Variants in UBE2D4 observed in about 807,000 individuals in gnomAD.
UBE2D4 encodes the protein ubiquitin conjugating enzyme E2 D4, also known as ubiquitin-conjugating enzyme E2 D4.
UBE2D4 carries 17 observed loss-of-function variants against 23.0 expected under a neutral mutation model. That is an observed-to-expected ratio of 0.74 (90% CI 0.51 to 1.11). The LOEUF is 1.11. Among genes scored for constraint, UBE2D4 ranks in the 50% least tolerant of loss-of-function variants. The pLI is 0.00. For missense variants in UBE2D4, 139 were observed against 181.8 expected, an observed-to-expected ratio of 0.76 and a Z score of 1.35; for synonymous variants, 61 against 69.4, an observed-to-expected ratio of 0.88 and a Z score of 0.60.
chr7:43,945,283 G>C (rs543429867), intron 4 of UBE2D4, among the ~76,000 whole-genome samples: 3 of 152,160 alleles, frequency 2.0e-5, no homozygotes, highest in Non-Finnish European at 4.4e-5. Flanking sequence ...GTGAGCCACC[G>C]TGCCCAGCCA....
At chr7:43,935,483 A>AT (rs879945070) in intron 1 of UBE2D4, among the ~76,000 whole-genome samples, 1,519 of 148,522 alleles carry the variant, frequency 0.01, 16 homozygotes, top group African/African-American at 0.031. Context: ...CAGAATACAT[A>AT]TTTTTTTTTT....
intron 1 of UBE2D4, among the ~76,000 whole-genome samples, chr7:43,927,512 C>T (rs775023652): frequency 2.6e-5 from 4 of 152,022 alleles, no homozygotes; most frequent in Non-Finnish European, 5.9e-5. Flanking sequence ...GATATGTTGC[C>T]CAGGCTGGTC....
intron 4 of UBE2D4, among the ~76,000 whole-genome samples, chr7:43,947,745 A>G (rs970063900): frequency 3.9e-5 from 6 of 152,210 alleles, no homozygotes; most frequent in African/African-American, 1.4e-4. Flanking sequence ...CTAGTACTAG[A>G]GGAATACCTT....
intron 2 of UBE2D4, among the ~76,000 whole-genome samples, chr7:43,940,323 TGTC>T (rs990163637): frequency 5.3e-5 from 8 of 152,234 alleles, no homozygotes; most frequent in African/African-American, 1.9e-4. Context: ...GTTTACCTCA[TGTC>T]GTCCTCACAA....
intron 1 of UBE2D4, among the ~76,000 whole-genome samples, chr7:43,926,868 T>C (rs1585848016): frequency 6.6e-6 from 1 of 152,262 alleles, no homozygotes; most frequent in African/African-American, 2.4e-5. Flanking sequence ...GCTGGGTGGG[T>C]ATCCAGAAGG....
Position 43,952,927 on chromosome 7 carries a change from G to T in UBE2D4, c.*232G>T. 2.1e-6 allele frequency: 1 copy of T among 479,074 alleles called. No individual in the cohort carries two copies. The highest frequency in any genetic ancestry group is 3.9e-6 in the Non-Finnish European group (1 of 257,618). 29.7% of individuals were successfully genotyped at this position (479,074 alleles called of 1,614,324 possible). ...TCAGCAACCATTGTTGTTATGATCT[G>T]CAGTCTTCCTGGTGACACTGGAATC... On this transcript the variant is annotated 3_prime_UTR_variant, in exon 7 of 7. Coordinates refer to ENST00000222402, the MANE Select transcript of UBE2D4 (RefSeq NM_015983.4).
chr7:43,943,245 C>T, intron 4 of UBE2D4: 1 of 604,076 alleles, frequency 1.7e-6, no homozygotes, highest in Non-Finnish European at 2.9e-6. Context: ...TGAGCTGGTG[C>T]TGGCCTTACT....
intron 5 of UBE2D4, among the ~76,000 whole-genome samples, chr7:43,949,502 T>C (rs1469696707): frequency 1.3e-5 from 2 of 152,184 alleles, no homozygotes; most frequent in Non-Finnish European, 2.9e-5. Context: ...ACTGGGATTA[T>C]AGGCGTGAGC....
chr7:43,942,977 T>C lies in UBE2D4; in HGVS notation c.144T>C (p.Gly48=). Residue 48 remains glycine (G), a synonymous_variant, in exon 4 of 7, where the codon GGT becomes GGC. Transcript: ENST00000222402. Reference sequence around the variant, plus strand: ...AGAATGACAGTCCTTACCAAGGAGGTGTTTTCTTCCTGACCATCCACTTTC... The same window carrying C: ...AGAATGACAGTCCTTACCAAGGAGGCGTTTTCTTCCTGACCATCCACTTTC... ...MGPNDSPYQG[G]VFFLTIHFPT... 6.2e-7 allele frequency: 1 copy of C among 1,614,014 alleles called. No individual in the cohort carries two copies. The highest frequency in any genetic ancestry group is 8.5e-7 in the Non-Finnish European group (1 of 1,180,006).
intron 2 of UBE2D4, chr7:43,941,226 C>T (rs2095971442): frequency 6.6e-6 from 1 of 152,208 alleles, no homozygotes; most frequent in East Asian, 1.9e-4. Flanking sequence ...ATAACAGGCC[C>T]TTCAGATGAT....
chr7:43,927,845 T>C (rs2095936231), intron 1 of UBE2D4, among the ~76,000 whole-genome samples: 1 of 152,252 alleles, frequency 6.6e-6, no homozygotes. Flanking sequence ...ACATGCTTGC[T>C]GTATACCAAA....
intron 2 of UBE2D4, among the ~76,000 whole-genome samples, chr7:43,939,117 G>C (rs1349650451): frequency 2.6e-5 from 4 of 152,208 alleles, no homozygotes; most frequent in Non-Finnish European, 4.4e-5. Context: ...AGTCAAACTT[G>C]GGTGCTGGTG....
intron 1 of UBE2D4, among the ~76,000 whole-genome samples, chr7:43,932,130 C>T (rs1476280017): frequency 6.6e-6 from 1 of 152,068 alleles, no homozygotes; most frequent in Non-Finnish European, 1.5e-5. Context: ...GCTGGGACTA[C>T]AGGCGCCTGC....
intron 1 of UBE2D4, among the ~76,000 whole-genome samples, chr7:43,929,664 G>A (rs181110390): frequency 1.8e-4 from 27 of 152,110 alleles, no homozygotes; most frequent in Admixed American, 3.3e-4. Flanking sequence ...TGTGTGTGAC[G>A]CATTCACTCT....
At position 43,950,648 on chromosome 7, in the gene UBE2D4, C is replaced by G; in HGVS notation, c.354C>G (p.Pro118=). 2 of 1,614,234 alleles carry G rather than the reference C, an allele frequency of 1.2e-6. No individual in the cohort carries two copies. The highest frequency in any genetic ancestry group is 1.7e-6 in the Non-Finnish European group (2 of 1,180,048). The change falls in exon 6 of 7, where the codon CCC becomes CCG. Residue 118 remains proline, a synonymous_variant. Coordinates refer to ENST00000222402, the MANE Select transcript of UBE2D4 (RefSeq NM_015983.4). ...TCTGCGACCCCAACCCCGATGACCC[C>G]CTGGTGCCAGAGATAGCACACACCT... The part of the protein sequence containing the change: ...SLLCDPNPDD[P]LVPEIAHTYK...
chr7:43,950,819 C>T, intron 6 of UBE2D4, 127 bp downstream of exon 6: 1 of 745,980 alleles, frequency 1.3e-6, no homozygotes, highest in Non-Finnish European at 2.3e-6. Flanking sequence ...CATGCTGAGC[C>T]ATGTGCACAG....
intron 1 of UBE2D4, among the ~76,000 whole-genome samples, chr7:43,931,135 GA>G (rs1335874562): frequency 6.7e-6 from 1 of 149,312 alleles, no homozygotes; most frequent in African/African-American, 2.5e-5. Context: ...AAAAAAAAAA[GA>G]AAAAAAGAAA....
At chr7:43,945,852 G>A (rs928087506) in intron 4 of UBE2D4, among the ~76,000 whole-genome samples, 3 of 144,202 alleles carry the variant, frequency 2.1e-5, no homozygotes, top group African/African-American at 7.7e-5. Context: ...GCGTGATCTC[G>A]GCTCACTGCA....
At chr7:43,947,632 G>T (rs1425409628) in intron 4 of UBE2D4, among the ~76,000 whole-genome samples, 1 of 152,222 alleles carries the variant, frequency 6.6e-6, no homozygotes, top group Non-Finnish European at 1.5e-5. Context: ...TGTGAATAGT[G>T]CCGCAATAAA....
Sources: gnomAD v4.1 joint callset for allele counts (sites outside exome capture counted in the v4.1 genomes callset) on GRCh38, gnomAD v4.1.1 for gene constraint, MANE v1.5 for transcripts, NCBI Gene and HGNC (gene_info 2026-07-23, HGNC 2026-07-21) for gene names.